The following DMRTC2 variants were observed in gnomAD, a reference collection of about 807,000 sequenced individuals.
DMRTC2 encodes doublesex- and mab-3-related transcription factor C2.
Under a neutral mutation model 39.9 loss-of-function variants are expected in DMRTC2, and 13 were observed. The observed-to-expected ratio is 0.33, with a 90% CI of 0.21 to 0.52. The LOEUF is 0.52. DMRTC2 is among the 20% of genes least tolerant of loss of function. DMRTC2 has a pLI of 0.96. For missense variants in DMRTC2, 431 were observed against 472.8 expected (o/e 0.91, Z 0.82); for synonymous variants, 189 against 185.2 (o/e 1.02, Z -0.17).
rs558894286 is a variant in DMRTC2 at position 41,848,920 on chromosome 19, A to C, written c.573A>C (p.Pro191=). The change falls in exon 5 of 9, where the codon CCA becomes CCC. Residue 191 remains proline, a synonymous_variant. Coordinates refer to ENST00000269945, the MANE Select transcript of DMRTC2 (RefSeq NM_001040283.3). ...WLPPGFSMPP[P]VVCRLLYQEP... is the part of the protein sequence containing the mutation. ...CTCCAGGCTTCTCCATGCCACCACC[A>C]GTGGTGTGCCGCCTGCTGTACCAAG... 6.2e-7 allele frequency: 1 copy of C among 1,613,824 alleles called. No homozygotes were observed. Among genetic ancestry groups the C allele is most frequent in the African/African-American group, 1.3e-5 (1 of 75,032 alleles).
At chr19:41,847,135 A>G (rs2073873248) in intron 1 of DMRTC2, 2 of 536,302 alleles carry the variant, frequency 3.7e-6, no homozygotes, top group African/African-American at 4.2e-5. Context: ...CAGCAAGCCA[A>G]GATCGTGCCA....
At chr19:41,848,996 T>G in intron 5 of DMRTC2, 21 bp downstream of exon 5, 1 of 1,613,760 alleles carries the variant, frequency 6.2e-7, no homozygotes, top group Non-Finnish European at 8.5e-7. Flanking sequence ...AATTCAACAT[T>G]CATTCAACAT....
Position 41,849,115 on chromosome 19 carries a change from T to C in DMRTC2, c.629-15T>C. 1 of 1,614,132 alleles carries C rather than the reference T, an allele frequency of 6.2e-7. No homozygotes were observed. ...CTTGGCCCCTATACACTCTGCATTCTTTTATTCTTATTAGGCTTTGACCCT... is the reference window on the plus strand; with the variant it reads ...CTTGGCCCCTATACACTCTGCATTCCTTTATTCTTATTAGGCTTTGACCCT... On this transcript the variant is annotated splice_polypyrimidine_tract_variant and intron_variant, in intron 5 of 8. Transcript: ENST00000269945.
At chr19:41,846,880 A>AT (rs34440538) in intron 1 of DMRTC2, among the ~76,000 whole-genome samples, 67,954 of 151,164 alleles carry the variant, frequency 0.45, 16,113 homozygotes, top group Middle Eastern at 0.58. Context: ...AAATTTTTAA[A>AT]TTAAAAAAAG....
At chr19:41,847,918 G>C (rs1170797935) in intron 3 of DMRTC2, 37 bp downstream of exon 3, 1 of 1,552,092 alleles carries the variant, frequency 6.4e-7, no homozygotes, top group African/African-American at 1.4e-5. Context: ...CAGGAGTTTG[G>C]GTACAGGAGG....
chr19:41,850,796 G>T, intron 8 of DMRTC2, 96 bp downstream of exon 8: 1 of 1,338,094 alleles, frequency 7.5e-7, no homozygotes, highest in Non-Finnish European at 9.9e-7. Flanking sequence ...GGGTCGACAG[G>T]TTGAACGTCT....
chr19:41,850,474 G>A (rs977186457), intron 7 of DMRTC2, 52 bp from the exon 8 acceptor site: 13 of 1,587,154 alleles, frequency 8.2e-6, no homozygotes, highest in Middle Eastern at 3.4e-4. Flanking sequence ...AACACTTAGA[G>A]GGTGGGCAGA....
At chr19:41,850,929 G>T in intron 8 of DMRTC2, 1 of 478,986 alleles carries the variant, frequency 2.1e-6, no homozygotes, top group Non-Finnish European at 3.6e-6. Context: ...GGAAAGTGGG[G>T]CACTGAGAAA....
chr19:41,848,405 G>A (rs1600591806), intron 3 of DMRTC2, 47 bp from the exon 4 acceptor site: 11 of 1,513,858 alleles, frequency 7.3e-6, no homozygotes, highest in Non-Finnish European at 9.9e-6. Flanking sequence ...GGGTAGGATA[G>A]GGGTCAGGAG....
rs1568783575 is a variant in DMRTC2, at chr19:41,852,303, C to T, written c.*607C>T. ...AACAAACTTGGATTTTTTTCTTTGT[C>T]CAAATAAAAAAAAATGATGTAAAGA... is the stretch of plus-strand genomic sequence containing the variant. On this transcript the variant is annotated 3_prime_UTR_variant, in exon 9 of 9. Coordinates refer to ENST00000269945, the MANE Select transcript of DMRTC2 (RefSeq NM_001040283.3). 1 of 151,754 alleles carries T rather than the reference C, an allele frequency of 6.6e-6. No homozygotes were observed. Among genetic ancestry groups the T allele is most frequent in the Non-Finnish European group, 1.5e-5 (1 of 67,954 alleles). 9.4% of individuals were successfully genotyped at this position (151,754 alleles called of 1,614,324 possible). A position where few individuals can be genotyped will look rare whatever the true frequency, so the allele number is the denominator to read the frequency against.
intron 5 of DMRTC2, 37 bp from the exon 6 acceptor site, chr19:41,849,092 TG>T: frequency 6.2e-7 from 1 of 1,613,512 alleles, no homozygotes; most frequent in South Asian, 1.1e-5. Context: ...ACTATGACCT[TG>T]GCCCCTATAC....
At chr19:41,849,360 C>G in intron 6 of DMRTC2, 104 bp downstream of exon 6, 1 of 1,502,316 alleles carries the variant, frequency 6.7e-7, no homozygotes, top group East Asian at 2.3e-5. Flanking sequence ...GAAAAGGTCT[C>G]TGACTAATAG....
At chr19:41,848,587 TTCTTCTG>T (rs1555836560) in intron 4 of DMRTC2, 59 bp downstream of exon 4, 31 of 1,394,286 alleles carry the variant, frequency 2.2e-5, no homozygotes, top group Non-Finnish European at 2.9e-5. Flanking sequence ...CCCAGACCCT[TTCTTCTG>T]TGCCCTCAAC....
chr19:41,850,215 C>T, intron 6 of DMRTC2, 97 bp from the exon 7 acceptor site: 1 of 1,029,248 alleles, frequency 9.7e-7, no homozygotes, highest in Non-Finnish European at 1.3e-6. Flanking sequence ...CTCTCAGATT[C>T]CCAGATCAAA....
chr19:41,845,995 G>C (rs2073831427), intron 1 of DMRTC2, among the ~76,000 whole-genome samples: 1 of 147,890 alleles, frequency 6.8e-6, no homozygotes, highest in African/African-American at 2.4e-5. Context: ...CTGGGCAACA[G>C]AGCGAGACCC....
In DMRTC2 at chr19:41,851,576, G is replaced by A; in HGVS notation, c.992-8G>A. 1 of 1,613,524 alleles carries A rather than the reference G, an allele frequency of 6.2e-7. No individual in the cohort carries two copies. Among genetic ancestry groups the A allele is most frequent in the Non-Finnish European group, 8.5e-7 (1 of 1,179,562 alleles). On this transcript the variant is annotated splice_polypyrimidine_tract_variant and splice_region_variant and intron_variant, in intron 8 of 8. Transcript: ENST00000269945. ...GACCTGATCCTGCCCCTTCCTTCTT[G>A]CCTGTAGCTCCTGCTGGAGGAAGAG...
Position 41,847,628 on chromosome 19 carries a change from A to T in DMRTC2, c.200A>T (p.Glu67Val). 6.2e-7 allele frequency: 1 copy of T among 1,614,160 alleles called. No individual in the cohort carries two copies. Among genetic ancestry groups the T allele is most frequent in the Non-Finnish European group, 8.5e-7 (1 of 1,180,024 alleles). ...CGCCTCTGCCTCTTCCAGGCTTGCG[A>T]GTGTCACAAATGTGTCCTCATCCTG... The part of the protein sequence containing the change: ...HKRLCLFQAC[E>V]CHKCVLILER... The change falls in exon 2 of 9, where the codon GAG becomes GTG. Residue 67 changes from glutamate (E) to valine (V), a missense_variant. Physicochemically the swap from Glu to Val is moderately radical, Grantham distance 121. Coordinates refer to ENST00000269945, the MANE Select transcript of DMRTC2 (RefSeq NM_001040283.3).
chr19:41,845,842 A>G (rs1384934847), intron 1 of DMRTC2, among the ~76,000 whole-genome samples: 1 of 151,946 alleles, frequency 6.6e-6, no homozygotes, highest in Non-Finnish European at 1.5e-5. Context: ...AAAAAAAAAG[A>G]AAGAAAGAAA....
Position 41,847,840 on chromosome 19 carries a change from C to T in DMRTC2, c.329C>T (p.Pro110Leu), listed in dbSNP as rs1009456655. The T allele has an allele frequency of 2.5e-6, 4 of 1,594,412 alleles. No individual in the cohort carries two copies. Among genetic ancestry groups the T allele is most frequent in the South Asian group, 2.3e-5 (2 of 88,450 alleles). ...AGAGGGGAAGCCTCTCCCAAAGCTC[C>T]CAACCACTTCAGAAAGGGAACCACT... ...MRRGEASPKA[P>L]NHFRKGTTQP... is the part of the protein sequence containing the mutation. The change falls in exon 3 of 9, where the codon CCC becomes CTC. Residue 110 changes from proline to leucine, a missense_variant. Pro to Leu is a moderately conservative substitution (Grantham distance 98). Transcript: ENST00000269945.
Sources: allele counts gnomAD v4.1 joint callset (sites outside exome capture counted in the v4.1 genomes callset), GRCh38; gene constraint gnomAD v4.1.1; transcripts MANE v1.5; gene names NCBI Gene and HGNC (gene_info 2026-07-23, HGNC 2026-07-21).